The following RFC1 variants were observed in gnomAD, a reference collection of about 807,000 sequenced individuals.
RFC1 encodes A1 140 kDa subunit.
RFC1 carries 37 observed loss-of-function variants against 137.4 expected under a neutral mutation model. That is an observed-to-expected ratio of 0.27 (90% CI 0.21 to 0.35). The LOEUF (loss-of-function observed/expected upper bound fraction) is 0.35. RFC1 is among the 10% of genes least tolerant of loss of function. The pLI, the probability that RFC1 is intolerant of heterozygous loss-of-function variation, is 1.00. For missense variants in RFC1, 1,205 were observed against 1,358.5 expected, an observed-to-expected ratio of 0.89 and a Z score of 1.78; for synonymous variants, 429 against 455.7, an observed-to-expected ratio of 0.94 and a Z score of 0.75.
chr4:39,324,231 GA>G (rs998013126), intron 6 of RFC1, among the ~76,000 whole-genome samples: 5 of 151,396 alleles, frequency 3.3e-5, no homozygotes, highest in Non-Finnish European at 5.9e-5. Flanking sequence ...AAAGTGAAGT[GA>G]AAAAAAAGGG....
In RFC1 at chr4:39,295,712, C is replaced by T; in HGVS notation, c.2856G>A (p.Met952Ile). 1 of 1,613,566 alleles carries T rather than the reference C, an allele frequency of 6.2e-7. No homozygotes were observed. Among genetic ancestry groups the T allele is most frequent in the African/African-American group, 1.3e-5 (1 of 75,000 alleles). Reference protein sequence around the residue: ...VLPGELMRGYMTQFPTFPSWL... With the variant: ...VLPGELMRGYITQFPTFPSWL... Reference sequence around the variant, plus strand: ...AGCTTGGGAAGGTGGGAAACTGGGTCATGTACCCCCTCATCAACTCTCCAG... The same window carrying T: ...AGCTTGGGAAGGTGGGAAACTGGGTTATGTACCCCCTCATCAACTCTCCAG... The change falls in exon 22 of 25, where the codon ATG (methionine) becomes ATA (isoleucine). Residue 952 changes from methionine (M) to isoleucine (I), a missense_variant. Met to Ile is a conservative substitution (Grantham distance 10). This residue lies in a region of RFC1 where 237 missense variants were observed against 304.2 expected (regional missense o/e 0.78). Coordinates refer to ENST00000349703, the MANE Select transcript of RFC1 (RefSeq NM_002913.5).
At chr4:39,318,291 T>C (rs1323365253) in intron 9 of RFC1, among the ~76,000 whole-genome samples, 1 of 152,204 alleles carries the variant, frequency 6.6e-6, no homozygotes, top group Non-Finnish European at 1.5e-5. Context: ...TGGTGTGTGT[T>C]CATATCATAT....
chr4:39,294,887 C>T (rs1737898879), intron 22 of RFC1, among the ~76,000 whole-genome samples: 1 of 151,970 alleles, frequency 6.6e-6, no homozygotes, highest in Non-Finnish European at 1.5e-5. Context: ...GCCTATAATC[C>T]CAGCTACTCA....
chr4:39,350,571 G>A (rs1227158718), intron 2 of RFC1, among the ~76,000 whole-genome samples: 1 of 152,116 alleles, frequency 6.6e-6, no homozygotes, highest in African/African-American at 2.4e-5. Context: ...CCAAAAAACA[G>A]TGGAACATCT....
chr4:39,310,299 T>C (rs958896317), intron 12 of RFC1, among the ~76,000 whole-genome samples: 1 of 152,128 alleles, frequency 6.6e-6, no homozygotes, highest in African/African-American at 2.4e-5. Context: ...CTAAATGCAG[T>C]GTGGGACCCT....
intron 7 of RFC1, among the ~76,000 whole-genome samples, chr4:39,322,788 A>AG (rs1285279773): frequency 1.3e-5 from 2 of 152,010 alleles, no homozygotes; most frequent in African/African-American, 4.8e-5. Flanking sequence ...CAAAAAAAAA[A>AG]AAAAGAACTA....
rs569282965 is a variant in RFC1 at position 39,320,463 on chromosome 4, T to C, written c.1015A>G (p.Lys339Glu). The C allele has an allele frequency of 6.3e-6, 10 of 1,592,532 alleles. No individual in the cohort carries two copies. Among genetic ancestry groups the C allele is most frequent in the East Asian group, 2.2e-5 (1 of 44,594 alleles). Residue 339 changes from lysine to glutamate, a missense_variant, in exon 9 of 25, where the codon AAA (lysine) becomes GAA (glutamate). Coordinates refer to ENST00000349703, the MANE Select transcript of RFC1 (RefSeq NM_002913.5). ...SYKEIEPVASKRKENAIKLKG... is the reference protein window; with the variant it reads ...SYKEIEPVASERKENAIKLKG... The stretch of plus-strand genomic sequence containing the variant: ...AATTTAATGGCATTTTCTTTTCTTT[T>C]TGAGGCCACAGGCTCTATTTCTTTA...
intron 4 of RFC1, among the ~76,000 whole-genome samples, chr4:39,338,689 C>T (rs1740472121): frequency 6.6e-6 from 1 of 152,124 alleles, no homozygotes; most frequent in Non-Finnish European, 1.5e-5. Flanking sequence ...AGGGGATACA[C>T]AGATAGTAAA....
intron 22 of RFC1, among the ~76,000 whole-genome samples, chr4:39,293,637 C>G (rs1347586940): frequency 6.6e-6 from 1 of 151,892 alleles, no homozygotes; most frequent in Non-Finnish European, 1.5e-5. Context: ...TAATAATGGC[C>G]TAAATATGAC....
At chr4:39,366,151 C>G in intron 1 of RFC1, 88 bp downstream of exon 1, 10 of 1,411,276 alleles carry the variant, frequency 7.1e-6, no homozygotes, top group Non-Finnish European at 4.8e-6. Flanking sequence ...CATCCTCCCC[C>G]ACCCTGCATA....
At position 39,311,555 on chromosome 4, in the gene RFC1, G is replaced by T; in HGVS notation, c.1384-6C>A. The stretch of plus-strand genomic sequence containing the variant: ...TTTGTCCCCAAGGCTGCGGCCTGTT[G>T]ATTAAAAATGTAAACCATCAAAACT... On this transcript the variant is annotated splice_region_variant and splice_polypyrimidine_tract_variant and intron_variant, in intron 11 of 24. Transcript: ENST00000349703. 1 of 1,610,158 alleles carries T rather than the reference G, an allele frequency of 6.2e-7. No homozygotes were observed. Among genetic ancestry groups the T allele is most frequent in the South Asian group, 1.1e-5 (1 of 90,704 alleles).
rs768056946 is a variant in RFC1, at chr4:39,291,682, C to T, written c.3125G>A (p.Ser1042Asn). Residue 1042 changes from serine (S) to asparagine (N), a missense_variant, in exon 23 of 25, where the codon AGC becomes AAC. By Grantham distance (46) the Ser-to-Asn change is conservative (BLOSUM62 1). Transcript: ENST00000349703. ...AAAGGGACTAGGTTTGCCACCCCAG[C>T]TGCTGATTTCCATGATATTCTCAAA... ...EDFENIMEIS[S>N]WGGKPSPFSK... 5.0e-6 allele frequency: 8 copies of T among 1,614,058 alleles called. No individual in the cohort carries two copies. In the East Asian group the frequency reaches 1.8e-4, roughly 36 times the overall value.
At chr4:39,363,998 T>C (rs887625963) in intron 1 of RFC1, among the ~76,000 whole-genome samples, 1 of 151,018 alleles carries the variant, frequency 6.6e-6, no homozygotes, top group Non-Finnish European at 1.5e-5. Context: ...AAGGATCGCT[T>C]GTACCCCGGA....
At chr4:39,365,617 T>G in intron 1 of RFC1, 1 of 328,046 alleles carries the variant, frequency 3.0e-6, no homozygotes, top group Non-Finnish European at 4.4e-6. Context: ...TGCATCTGTT[T>G]CTATTCGCTG....
intron 10 of RFC1, among the ~76,000 whole-genome samples, chr4:39,315,978 C>A (rs1170850390): frequency 1.3e-5 from 2 of 152,222 alleles, no homozygotes; most frequent in Non-Finnish European, 2.9e-5. Flanking sequence ...CGCCTGTAAT[C>A]CCAGCACTTT....
At chr4:39,293,653 T>C (rs559765741) in intron 22 of RFC1, among the ~76,000 whole-genome samples, 56 of 152,136 alleles carry the variant, frequency 3.7e-4, no homozygotes, top group African/African-American at 1.3e-3. Flanking sequence ...ATGACCCAAC[T>C]ACTAGATGAG....
At chr4:39,307,735 C>CAAAACA (rs558154830) in intron 13 of RFC1, among the ~76,000 whole-genome samples, 23 of 148,404 alleles carry the variant, frequency 1.5e-4, no homozygotes, top group South Asian at 2.1e-4. Flanking sequence ...CAAAACAAAA[C>CAAAACA]AAAAAAAAAA....
In RFC1 at chr4:39,291,710, C is replaced by G. The variant is rs779942577; in HGVS notation, c.3097G>C (p.Asp1033His). Residue 1033 changes from aspartate to histidine, a missense_variant, in exon 23 of 25, where the codon GAC (aspartate) becomes CAC (histidine). This residue lies in a region of RFC1 where 237 missense variants were observed against 304.2 expected (regional missense o/e 0.78). Coordinates refer to ENST00000349703, the MANE Select transcript of RFC1 (RefSeq NM_002913.5). ...CTGATTTCCATGATATTCTCAAAGT[C>G]TTCTTTCATCAAATAATATGTGTCC... Reference protein sequence around the residue: ...LMDTYYLMKEDFENIMEISSW... With the variant: ...LMDTYYLMKEHFENIMEISSW... 1 of 1,614,116 alleles carries G rather than the reference C, an allele frequency of 6.2e-7. No homozygotes were observed. Among genetic ancestry groups the G allele is most frequent in the Admixed American group, 1.7e-5 (1 of 60,018 alleles).
chr4:39,320,693 G>A (rs779479421), intron 8 of RFC1, 24 bp from the exon 9 acceptor site: 2 of 1,541,508 alleles, frequency 1.3e-6, no homozygotes, highest in South Asian at 2.5e-5. Flanking sequence ...AAAGATTATG[G>A]TTGTTGTTTT....
Sources: gnomAD v4.1 joint callset for allele counts (sites outside exome capture counted in the v4.1 genomes callset) on GRCh38, gnomAD v4.1.1 for gene constraint, gnomAD v4.1.1 regional missense constraint, MANE v1.5 for transcripts, NCBI Gene and HGNC (gene_info 2026-07-23, HGNC 2026-07-21) for gene names.